Variants in JPH3 observed in about 807,000 individuals in gnomAD.
JPH3 encodes the protein junctophilin 3, also known as junctophilin-3.
In JPH3, 11 loss-of-function variants were observed where a neutral mutation model predicts 59.6. The ratio of observed to expected loss-of-function variants is 0.18; its 90% CI spans 0.12 to 0.31. JPH3 has a LOEUF of 0.31. Ranked by LOEUF, JPH3 falls within the 10% of genes least tolerant of loss-of-function variation. The pLI is 1.00. For synonymous variants in JPH3, 673 were observed against 483.6 expected (o/e 1.39, Z -5.14); for missense variants, 1,202 against 1,105.7 (o/e 1.09, Z -1.24).
intron 2 of JPH3, among the ~76,000 whole-genome samples, chr16:87,669,624 G>C (rs1352280866): frequency 6.6e-6 from 1 of 152,208 alleles, no homozygotes; most frequent in Admixed American, 6.5e-5. Context: ...CCCATGGTGA[G>C]TTTCCACAGC....
chr16:87,646,011 G>C (rs2032136081), intron 2 of JPH3, among the ~76,000 whole-genome samples: 1 of 152,234 alleles, frequency 6.6e-6, no homozygotes, highest in Non-Finnish European at 1.5e-5. Context: ...GGCCCTTGGG[G>C]TAGCCCGGAG....
At chr16:87,664,624 G>A (rs1311551292) in intron 2 of JPH3, among the ~76,000 whole-genome samples, 3 of 152,118 alleles carry the variant, frequency 2.0e-5, no homozygotes, top group African/African-American at 2.4e-5. Flanking sequence ...AAACTCCGTC[G>A]CAAAAAATAG....
rs1427373746 is a variant in JPH3 at position 87,602,532 on chromosome 16, G to C, written c.-615G>C. Among the ~76,000 whole-genome samples, 1 of 138,232 alleles carries C rather than the reference G, an allele frequency of 7.2e-6. No homozygotes were observed. Among genetic ancestry groups the C allele is most frequent in the Non-Finnish European group, 1.6e-5 (1 of 63,152 alleles). 90.7% of individuals were successfully genotyped at this position (138,232 alleles called of 152,430 possible). ...CGAGCGCGCGAGCCGGGCCCGGAGC[G>C]CACGCCGCCGCCGCCACCGCCGCCG... is the stretch of plus-strand genomic sequence containing the variant. On this transcript the variant is annotated 5_prime_UTR_variant, in exon 1 of 5. Coordinates refer to ENST00000284262, the MANE Select transcript of JPH3 (RefSeq NM_020655.4).
chr16:87,637,356 C>CGGGGGGGAG (rs2031785868), intron 1 of JPH3, among the ~76,000 whole-genome samples: 1 of 151,922 alleles, frequency 6.6e-6, no homozygotes, highest in Non-Finnish European at 1.5e-5. Flanking sequence ...GGCCATCATC[C>CGGGGGGGAG]GTCTGTCTCT....
At chr16:87,628,253 G>A (rs977295405) in intron 1 of JPH3, among the ~76,000 whole-genome samples, 4 of 152,270 alleles carry the variant, frequency 2.6e-5, no homozygotes, top group African/African-American at 9.6e-5. Context: ...GCATGGGCGG[G>A]TCAGAAGGAG....
Position 87,627,890 on chromosome 16 carries a change from C to T in JPH3, c.383-16368C>T, listed in dbSNP as rs991569136. 2.6e-5 allele frequency among the ~76,000 whole-genome samples: 4 copies of T among 152,318 alleles called. No individual in the cohort carries two copies. The South Asian group carries it at 6.2e-4, about 24-fold the overall frequency. ...CAGCCAGGCACCCTGCAGGCCACCCCGCCCCTCGCAGGGGTTTCCACTAAC... is the reference window on the plus strand; with the variant it reads ...CAGCCAGGCACCCTGCAGGCCACCCTGCCCCTCGCAGGGGTTTCCACTAAC... On this transcript the variant is annotated intron_variant, in intron 1 of 4. Coordinates refer to ENST00000284262, the MANE Select transcript of JPH3 (RefSeq NM_020655.4).
chr16:87,695,699 G>T (rs1332011278), intron 4 of JPH3: 2 of 448,106 alleles, frequency 4.5e-6, no homozygotes, highest in Non-Finnish European at 8.9e-6. Flanking sequence ...GCCGTCCTGG[G>T]AGCTTCCCAG....
At chr16:87,691,410 G>C (rs976178702) in intron 4 of JPH3, among the ~76,000 whole-genome samples, 16 of 152,358 alleles carry the variant, frequency 1.1e-4, no homozygotes, top group African/African-American at 3.8e-4. Flanking sequence ...GCAGTGCGTG[G>C]TGCTGAACAG....
At chr16:87,681,801 C>G (rs537999053) in intron 2 of JPH3, among the ~76,000 whole-genome samples, 1 of 152,282 alleles carries the variant, frequency 6.6e-6, no homozygotes, top group East Asian at 1.9e-4. Flanking sequence ...GAGCTTGGAG[C>G]CTGCTTTCCT....
chr16:87,602,213 T>G (rs1218264913), upstream of JPH3: 1 of 150,682 alleles, frequency 6.6e-6, no homozygotes, highest in East Asian at 2.0e-4. Flanking sequence ...ATGACGCAGT[T>G]CCTGTGCCTT....
intron 1 of JPH3, among the ~76,000 whole-genome samples, chr16:87,615,402 T>C (rs960368910): frequency 2.6e-5 from 4 of 152,220 alleles, no homozygotes; most frequent in African/African-American, 9.6e-5. Flanking sequence ...CAGAACCTTC[T>C]TTCTTGTCCT....
In JPH3 at chr16:87,687,162, G is replaced by A. The variant is rs868740185; in HGVS notation, c.1286-2484G>A. On this transcript the variant is annotated intron_variant, in intron 3 of 4. Transcript: ENST00000284262. ...AGACCAGGCACCCCGGGGCCTTCTC[G>A]GCTGCTGGGGAGGGGTGGGGCTGGG... is the stretch of plus-strand genomic sequence containing the variant. Among the ~76,000 whole-genome samples, 9 of 152,276 alleles carry A rather than the reference G, an allele frequency of 5.9e-5. No individual in the cohort carries two copies. In the South Asian group the frequency reaches 8.3e-4, roughly 14 times the overall value.
At chr16:87,666,164 C>T (rs2032854507) in intron 2 of JPH3, among the ~76,000 whole-genome samples, 1 of 151,344 alleles carries the variant, frequency 6.6e-6, no homozygotes, top group South Asian at 2.1e-4. Flanking sequence ...TCTTGGTTCA[C>T]TGTAGCCTCT....
At chr16:87,604,318 C>CTGCTGCTGA in intron 1 of JPH3, 1 of 1,467,942 alleles carries the variant, frequency 6.8e-7, no homozygotes, top group Non-Finnish European at 9.1e-7. Context: ...GCTGCTGCTG[C>CTGCTGCTGA]TGCTGCTGCT....
At chr16:87,689,620 T>G (rs1229305931) in intron 3 of JPH3, 26 bp from the exon 4 acceptor site, 1 of 1,606,754 alleles carries the variant, frequency 6.2e-7, no homozygotes, top group Admixed American at 1.7e-5. Flanking sequence ...TAACGCCGTC[T>G]GGCGTCGTCT....
chr16:87,694,012 CTG>C (rs1029796665), intron 4 of JPH3: 1 of 152,254 alleles, frequency 6.6e-6, no homozygotes, highest in Non-Finnish European at 1.5e-5. Flanking sequence ...CCCGAGGAAG[CTG>C]TGCCAACGCA....
At chr16:87,604,309 CTGCTGCTGCTGCTGCTGCTGT>C in intron 1 of JPH3, 1 of 1,467,310 alleles carries the variant, frequency 6.8e-7, no homozygotes. Context: ...GCTGCTGCTG[CTGCTGCTGCTGCTGCTGCTGT>C]AAGATGGTTT....
chr16:87,647,113 A>G (rs112477178), intron 2 of JPH3, among the ~76,000 whole-genome samples: 1 of 151,734 alleles, frequency 6.6e-6, no homozygotes, highest in African/African-American at 2.4e-5. Flanking sequence ...GGGGCATCCA[A>G]CCTCTTCCTG....
At chr16:87,696,190 C>T (rs1191966448) in intron 4 of JPH3, 2 of 452,468 alleles carry the variant, frequency 4.4e-6, no homozygotes, top group South Asian at 3.2e-5. Context: ...ATTCTGAGGT[C>T]CCAGTTCCAC....
Sources: allele counts gnomAD v4.1 joint callset (sites outside exome capture counted in the v4.1 genomes callset), GRCh38; gene constraint gnomAD v4.1.1; transcripts MANE v1.5; gene names NCBI Gene and HGNC (gene_info 2026-07-23, HGNC 2026-07-21).